Variants in PMEPA1 observed in about 807,000 individuals in gnomAD.
PMEPA1 encodes prostate transmembrane protein, androgen induced 1.
Under a neutral mutation model 23.0 loss-of-function variants are expected in PMEPA1, and 11 were observed. That is an observed-to-expected ratio of 0.48 (90% CI 0.30 to 0.79). PMEPA1 has a LOEUF of 0.79. Among genes scored for constraint, PMEPA1 ranks in the 30% least tolerant of loss-of-function variants. PMEPA1 has a pLI of 0.06. For missense variants in PMEPA1, 377 were observed against 390.9 expected (o/e 0.96, Z 0.30); for synonymous variants, 204 against 166.4 (o/e 1.23, Z -1.74).
At chr20:57,667,041 G>A (rs1024267820) in intron 1 of PMEPA1, among the ~76,000 whole-genome samples, 2 of 152,316 alleles carry the variant, frequency 1.3e-5, no homozygotes, top group South Asian at 2.1e-4. Flanking sequence ...CACCCACAGC[G>A]TCCAGAGCTG....
chr20:57,692,659 C>A (rs927771235), intron 1 of PMEPA1, among the ~76,000 whole-genome samples: 1 of 152,246 alleles, frequency 6.6e-6, no homozygotes, highest in Admixed American at 6.5e-5. Flanking sequence ...GGCTGTCCCA[C>A]CCCATGCCAG....
At chr20:57,654,413 C>A (rs543522050) in intron 2 of PMEPA1, among the ~76,000 whole-genome samples, 1 of 152,220 alleles carries the variant, frequency 6.6e-6, no homozygotes, top group East Asian at 1.9e-4. Context: ...CACCTGCAGC[C>A]TGGGTAGGAA....
At chr20:57,664,502 A>G (rs2071466235) in intron 1 of PMEPA1, among the ~76,000 whole-genome samples, 1 of 152,208 alleles carries the variant, frequency 6.6e-6, no homozygotes, top group South Asian at 2.1e-4. Context: ...TGTGTGTATG[A>G]AGCGGCACCA....
chr20:57,709,467 C>G lies in PMEPA1; in HGVS notation c.109+7G>C. ...GTCTCCGGGGAGGGGGGCGTGGGGT[C>G]ACTCACTGATCTCCATGCTCTGGAA... On this transcript the variant is annotated splice_region_variant and intron_variant, in intron 1 of 3. Transcript: ENST00000341744. 1 of 1,115,924 alleles carries G rather than the reference C, an allele frequency of 9.0e-7. No individual in the cohort carries two copies. Among genetic ancestry groups the G allele is most frequent in the Non-Finnish European group, 1.1e-6 (1 of 895,728 alleles). The allele number at this position is 1,115,924 out of a possible 1,614,324, so 69.1% of individuals were successfully genotyped here. A position where few individuals can be genotyped will look rare whatever the true frequency, so the allele number is the denominator to read the frequency against.
In PMEPA1 at chr20:57,652,992, TG is replaced by T; in HGVS notation, c.318+40del. 1 of 1,531,894 alleles carries T rather than the reference TG, an allele frequency of 6.5e-7. No individual in the cohort carries two copies. Among genetic ancestry groups the T allele is most frequent in the Non-Finnish European group, 8.9e-7 (1 of 1,121,270 alleles). The allele number at this position is 1,531,894 out of a possible 1,614,324, so 94.9% of individuals were successfully genotyped here. A position where few individuals can be genotyped will look rare whatever the true frequency, so the allele number is the denominator to read the frequency against. ...CAGCCGCAGCGGGAGCAGCCCAGGG[TG>T]GGATGGGGGTGTTGGAGGGGAGGCC... is the stretch of plus-strand genomic sequence containing the variant. On this transcript the variant is annotated intron_variant, in intron 3 of 3. Transcript: ENST00000341744. This position sits in a 1 kb window ranked among gnomAD's most constrained non-coding sequence, Gnocchi z 6.1.
At chr20:57,701,095 A>G (rs2072005155) in intron 1 of PMEPA1, among the ~76,000 whole-genome samples, 1 of 152,112 alleles carries the variant, frequency 6.6e-6, no homozygotes, top group Non-Finnish European at 1.5e-5. Context: ...ATCAGACTAT[A>G]GTTCGAATCT....
At chr20:57,702,731 C>T (rs1162233476) in intron 1 of PMEPA1, among the ~76,000 whole-genome samples, 1 of 152,224 alleles carries the variant, frequency 6.6e-6, no homozygotes, top group African/African-American at 2.4e-5. Context: ...ACTCTCTGAT[C>T]CCATTTTTGT....
intron 1 of PMEPA1, among the ~76,000 whole-genome samples, chr20:57,706,144 G>T (rs2072082970): frequency 6.6e-6 from 1 of 152,184 alleles, no homozygotes; most frequent in Admixed American, 6.5e-5. Context: ...CCAGAGATGG[G>T]CCCAGGGCAG....
chr20:57,677,487 A>C (rs1379152059), intron 1 of PMEPA1, among the ~76,000 whole-genome samples: 2 of 152,202 alleles, frequency 1.3e-5, no homozygotes, highest in Non-Finnish European at 2.9e-5. Flanking sequence ...ACCACACCTG[A>C]CACAAGAAGT....
chr20:57,699,096 G>A (rs2071978408), intron 1 of PMEPA1, among the ~76,000 whole-genome samples: 1 of 152,208 alleles, frequency 6.6e-6, no homozygotes, highest in South Asian at 2.1e-4. Context: ...GTGGTCTCTG[G>A]AATGCATCAC....
intron 1 of PMEPA1, among the ~76,000 whole-genome samples, chr20:57,703,282 T>C (rs1037244034): frequency 2.0e-5 from 3 of 152,240 alleles, no homozygotes; most frequent in Non-Finnish European, 4.4e-5. Context: ...GCCTTTCTTT[T>C]AATGGTTTGC....
chr20:57,710,417 G>C (rs1215107887), upstream of PMEPA1: 6 of 1,594,418 alleles, frequency 3.8e-6, no homozygotes, highest in Non-Finnish European at 5.1e-6. Context: ...GCTCAGGGAA[G>C]AGAAATTGGA....
At chr20:57,695,656 A>G (rs1272773615) in intron 1 of PMEPA1, among the ~76,000 whole-genome samples, 3 of 152,216 alleles carry the variant, frequency 2.0e-5, no homozygotes, top group African/African-American at 7.2e-5. Context: ...GGTGTGAGCC[A>G]CTGGGCCTGG....
intron 1 of PMEPA1, among the ~76,000 whole-genome samples, chr20:57,666,744 G>A (rs2071498115): frequency 2.0e-5 from 3 of 152,264 alleles, no homozygotes; most frequent in South Asian, 2.1e-4. Context: ...GGAAGGAAGC[G>A]GGTGCCAGGA....
In PMEPA1 at chr20:57,709,634, G is replaced by T. The variant is rs1007502716; in HGVS notation, c.-52C>A. 3 of 974,242 alleles carry T rather than the reference G, an allele frequency of 3.1e-6. No individual in the cohort carries two copies. The highest frequency in any genetic ancestry group is 3.6e-5 in the African/African-American group (2 of 55,680). 60.3% of individuals were successfully genotyped at this position (974,242 alleles called of 1,614,324 possible). A position where few individuals can be genotyped will look rare whatever the true frequency, so the allele number is the denominator to read the frequency against. On this transcript the variant is annotated 5_prime_UTR_variant, in exon 1 of 4. Coordinates refer to ENST00000341744, the MANE Select transcript of PMEPA1 (RefSeq NM_020182.5). ...CGCGGGGGGCTCGGGGGCGGCCGGG[G>T]GGGGCTCCGGCCGGCGCCCGGAGCT...
chr20:57,689,328 A>AGTG (rs1486280511), intron 1 of PMEPA1, among the ~76,000 whole-genome samples: 1 of 152,090 alleles, frequency 6.6e-6, no homozygotes, highest in Non-Finnish European at 1.5e-5. Context: ...AGGGAGCATG[A>AGTG]GTGTCTAGAC....
chr20:57,665,756 TG>T (rs1491000995), intron 1 of PMEPA1, among the ~76,000 whole-genome samples: 2 of 152,322 alleles, frequency 1.3e-5, no homozygotes, highest in South Asian at 2.1e-4. Context: ...GTGGGAGATT[TG>T]AGCTCAAGTC....
chr20:57,684,739 T>C (rs2071777927), intron 1 of PMEPA1, among the ~76,000 whole-genome samples: 1 of 151,846 alleles, frequency 6.6e-6, no homozygotes. Context: ...TTTTCATCCT[T>C]AAGAAGCCAA....
At chr20:57,709,203 C>A (rs967333078) in intron 1 of PMEPA1, among the ~76,000 whole-genome samples, 3 of 151,208 alleles carry the variant, frequency 2.0e-5, no homozygotes, top group South Asian at 2.1e-4. Context: ...CCGCGCCGTG[C>A]GCCGCCGCTG....
Sources: gnomAD v4.1 joint callset for allele counts (sites outside exome capture counted in the v4.1 genomes callset) on GRCh38, gnomAD v4.1.1 for gene constraint, Gnocchi (gnomAD v3.1) non-coding constraint, MANE v1.5 for transcripts, NCBI Gene and HGNC (gene_info 2026-07-23, HGNC 2026-07-21) for gene names.